PRPF40B: variants seen among roughly 807,000 people sequenced by gnomAD.
PRPF40B encodes the protein pre-mRNA-processing factor 40 homolog B.
PRPF40B carries 56 observed loss-of-function variants against 124.5 expected under a neutral mutation model. The observed-to-expected ratio is 0.45, with a 90% CI of 0.36 to 0.56. The LOEUF (loss-of-function observed/expected upper bound fraction) is 0.56, where lower values mean the gene tolerates loss of function less well. PRPF40B is among the 20% of genes least tolerant of loss of function. PRPF40B has a pLI of 0.00. For synonymous variants in PRPF40B, 443 were observed against 426.4 expected (o/e 1.04, Z -0.48); for missense variants, 1,053 against 1,169.5 (o/e 0.90, Z 1.45).
At chr12:49,637,255 C>T (rs1167128088) in intron 16 of PRPF40B, 2 of 586,970 alleles carry the variant, frequency 3.4e-6, no homozygotes. Flanking sequence ...CTTGTTCTCA[C>T]CTTTTTGTTC....
rs777004314 is a variant in PRPF40B, at chr12:49,632,029, ATCCACCCAGG to A, written c.294+108_294+117del. ...TCCATTCTTTCCCTCTTCTCATCGC[ATCCACCCAGG>A]TCCCCGGCAGCACTCCCCACACTCA... On this transcript the variant is annotated intron_variant, in intron 4 of 25. Transcript: ENST00000548825. 271 of 1,174,680 alleles carry A rather than the reference ATCCACCCAGG, an allele frequency of 2.3e-4. 1 individual carries two copies. Among genetic ancestry groups the A allele is most frequent in the Non-Finnish European group, 3.3e-4 (258 of 788,586 alleles). 72.8% of individuals were successfully genotyped at this position (1,174,680 alleles called of 1,614,324 possible).
In PRPF40B at chr12:49,634,929, C is replaced by T. The variant is rs967616883; in HGVS notation, c.1002-170C>T. On this transcript the variant is annotated intron_variant, in intron 12 of 25. Coordinates refer to ENST00000548825, the MANE Select transcript of PRPF40B (RefSeq NM_001031698.3). ...GCAGTGTCTTGGAGCTGCATCTCTT[C>T]CCCTCACTTCCTGTCACCCCTACTT... 26 of 733,308 alleles carry T rather than the reference C, an allele frequency of 3.5e-5. No homozygotes were observed. In the Admixed American group the frequency reaches 5.0e-4, roughly 14 times the overall value. The allele number at this position is 733,308 out of a possible 1,614,324, so 45.4% of individuals were successfully genotyped here.
At position 49,635,209 on chromosome 12, in the gene PRPF40B, C is replaced by T. The variant is rs376118860; in HGVS notation, c.1112C>T (p.Thr371Ile). ...ARLRAKEAKQ[T>I]LQHFLEQHER... Reference sequence around the variant, plus strand: ...CTAAGGGCCAAAGAGGCCAAGCAGACCCTGCAGCATTTCCTGGAGCAGCAT... The same window carrying T: ...CTAAGGGCCAAAGAGGCCAAGCAGATCCTGCAGCATTTCCTGGAGCAGCAT... The change falls in exon 13 of 26, where the codon ACC becomes ATC. Residue 371 changes from threonine (T) to isoleucine (I), a missense_variant. This residue lies in a region of PRPF40B where 895 missense variants were observed against 1,052.2 expected (regional missense o/e 0.85). Transcript: ENST00000548825. This position sits in a 1 kb window ranked among gnomAD's most constrained non-coding sequence, Gnocchi z 4.1. The T allele has an allele frequency of 5.0e-5, 81 of 1,614,012 alleles. No homozygotes were observed. Among genetic ancestry groups the T allele is most frequent in the Non-Finnish European group, 6.6e-5 (78 of 1,180,028 alleles).
At position 49,635,229 on chromosome 12, in the gene PRPF40B, C is replaced by A; in HGVS notation, c.1132C>A (p.Gln378Lys). Residue 378 changes from glutamine to lysine, a missense_variant, in exon 13 of 26, where the codon CAG becomes AAG. This residue lies in a region of PRPF40B where 895 missense variants were observed against 1,052.2 expected (regional missense o/e 0.85). Coordinates refer to ENST00000548825, the MANE Select transcript of PRPF40B (RefSeq NM_001031698.3). This position sits in a 1 kb window ranked among gnomAD's most constrained non-coding sequence, Gnocchi z 4.1. Reference protein sequence around the residue: ...AKQTLQHFLEQHERMTSTTRY... With the variant: ...AKQTLQHFLEKHERMTSTTRY... Reference sequence around the variant, plus strand: ...GCAGACCCTGCAGCATTTCCTGGAGCAGCATGAACGCATGACCTCCACCAC... The same window carrying A: ...GCAGACCCTGCAGCATTTCCTGGAGAAGCATGAACGCATGACCTCCACCAC... 1 of 1,613,912 alleles carries A rather than the reference C, an allele frequency of 6.2e-7. No homozygotes were observed. Among genetic ancestry groups the A allele is most frequent in the Non-Finnish European group, 8.5e-7 (1 of 1,179,904 alleles).
At chr12:49,632,719 G>C (rs2138460794) in intron 5 of PRPF40B, 96 bp downstream of exon 5, 1 of 1,594,844 alleles carries the variant, frequency 6.3e-7, no homozygotes, top group East Asian at 2.2e-5. Context: ...GATCATGCCT[G>C]TTGGGATGCC....
Position 49,635,848 on chromosome 12 carries a change from G to A in PRPF40B, c.1281G>A (p.Gln427=), listed in dbSNP as rs775115606. The A allele has an allele frequency of 6.8e-6, 11 of 1,613,698 alleles. No homozygotes were observed. Among genetic ancestry groups the A allele is most frequent in the Non-Finnish European group, 8.5e-6 (10 of 1,179,940 alleles). The change falls in exon 15 of 26, where the codon CAG becomes CAA. Residue 427 remains glutamine (Q), a synonymous_variant. Transcript: ENST00000548825. This position sits in a 1 kb window ranked among gnomAD's most constrained non-coding sequence, Gnocchi z 4.1. ...LFFLAKKEKE[Q]AKQLRRRNIQ... Reference sequence around the variant, plus strand: ...CTGATCCTGTGGCTCCCTAGGAACAGGCCAAGCAGCTCCGGCGCCGCAATA... The same window carrying A: ...CTGATCCTGTGGCTCCCTAGGAACAAGCCAAGCAGCTCCGGCGCCGCAATA...
intron 10 of PRPF40B, 75 bp from the exon 11 acceptor site, chr12:49,634,257 T>G: frequency 6.2e-7 from 1 of 1,608,048 alleles, no homozygotes; most frequent in Non-Finnish European, 8.5e-7. Context: ...GGGGGTGATA[T>G]GTTGCCAGGA....
intron 1 of PRPF40B, among the ~76,000 whole-genome samples, chr12:49,628,413 A>G (rs902071298): frequency 4.9e-4 from 74 of 151,968 alleles, no homozygotes; most frequent in African/African-American, 1.8e-3. Flanking sequence ...GGCGTGTGCC[A>G]CCACACCTGG....
chr12:49,628,448 G>T (rs1940922875), intron 1 of PRPF40B, among the ~76,000 whole-genome samples: 1 of 151,868 alleles, frequency 6.6e-6, no homozygotes, highest in Non-Finnish European at 1.5e-5. Context: ...TTTAGTAGAG[G>T]TTTCACCATG....
Position 49,632,613 on chromosome 12 carries a change from C to T in PRPF40B, c.312C>T (p.Asp104=), listed in dbSNP as rs1191521266. ...PVTAATAPGA[D]TASSAVAGTG... ...TTCGGCAGACGGCTCCGGGTGCGGA[C>T]ACCGCCAGCTGTGAGTCTTCTGGGG... is the stretch of plus-strand genomic sequence containing the variant. The change falls in exon 5 of 26, where the codon GAC becomes GAT. Residue 104 remains aspartate (D), a synonymous_variant. Coordinates refer to ENST00000548825, the MANE Select transcript of PRPF40B (RefSeq NM_001031698.3). The T allele has an allele frequency of 3.7e-6, 6 of 1,613,832 alleles. No individual in the cohort carries two copies. Among genetic ancestry groups the T allele is most frequent in the South Asian group, 1.1e-5 (1 of 91,016 alleles).
chr12:49,627,520 A>C (rs1251731312), intron 1 of PRPF40B, among the ~76,000 whole-genome samples: 2 of 152,102 alleles, frequency 1.3e-5, no homozygotes, highest in Non-Finnish European at 2.9e-5. Context: ...TCTCAGGCAA[A>C]GGTGGATGCC....
At chr12:49,636,457 C>G in intron 15 of PRPF40B, 1 of 490,178 alleles carries the variant, frequency 2.0e-6, no homozygotes, top group Non-Finnish European at 3.6e-6. Flanking sequence ...CCAAGACAAC[C>G]GGTTTCATGT....
chr12:49,633,915 T>TTCAGCC lies in PRPF40B; in HGVS notation c.636_641dup (p.Gln215_Pro216dup). Reference sequence around the variant, plus strand: ...CAGCAGCAGCAGCTGCCACAGACACTTCAGCCACAGCCACCTCAGCCACAG... The same window carrying TTCAGCC: ...CAGCAGCAGCAGCTGCCACAGACACTTCAGCCTCAGCCACAGCCACCTCAGCCACAG... On this transcript the variant is annotated inframe_insertion, in exon 10 of 26. Coordinates refer to ENST00000548825, the MANE Select transcript of PRPF40B (RefSeq NM_001031698.3). 1.2e-6 allele frequency: 2 copies of TTCAGCC among 1,614,136 alleles called. No individual in the cohort carries two copies. The highest frequency in any genetic ancestry group is 1.7e-6 in the Non-Finnish European group (2 of 1,180,008).
chr12:49,624,996 G>A (rs76953450), intron 1 of PRPF40B, among the ~76,000 whole-genome samples: 3,290 of 152,262 alleles, frequency 0.022, 115 homozygotes, highest in African/African-American at 0.075. Context: ...AGCTGAAGAA[G>A]GGCCGCAGGT....
chr12:49,634,620 G>A lies in PRPF40B; in HGVS notation c.1001+18G>A, dbSNP rs775846785. ...CGTTACAGGTAGGCCTGGGCAGAGG[G>A]AGCCAGGCCCTGTTCATGAGAGCAG... On this transcript the variant is annotated intron_variant, in intron 12 of 25. Coordinates refer to ENST00000548825, the MANE Select transcript of PRPF40B (RefSeq NM_001031698.3). 39 of 1,613,836 alleles carry A rather than the reference G, an allele frequency of 2.4e-5. No homozygotes were observed. Among genetic ancestry groups the A allele is most frequent in the Non-Finnish European group, 3.1e-5 (37 of 1,179,876 alleles).
chr12:49,634,273 G>A (rs1300972121), intron 10 of PRPF40B, 59 bp from the exon 11 acceptor site: 1 of 1,612,224 alleles, frequency 6.2e-7, no homozygotes, highest in African/African-American at 1.3e-5. Context: ...CAGGAGTTCA[G>A]GGCACTGAAA....
Position 49,634,320 on chromosome 12 carries a change from T to G in PRPF40B, c.813-12T>G, listed in dbSNP as rs977066836. ...TGGGGGACCCTGTGGCTGAGTCCCC[T>G]GTGCCCTCCAGTTCTGGACAGCATC... On this transcript the variant is annotated splice_polypyrimidine_tract_variant and intron_variant, in intron 10 of 25. Coordinates refer to ENST00000548825, the MANE Select transcript of PRPF40B (RefSeq NM_001031698.3). The G allele has an allele frequency of 1.2e-6, 2 of 1,614,038 alleles. No homozygotes were observed. The highest frequency in any genetic ancestry group is 1.3e-5 in the African/African-American group (1 of 74,918).
chr12:49,623,629 C>G, intron 1 of PRPF40B, 36 bp downstream of exon 1: 1 of 1,229,804 alleles, frequency 8.1e-7, no homozygotes, highest in Non-Finnish European at 1.0e-6. Context: ...GGGCTCGGGG[C>G]GGTCCCACAG....
intron 1 of PRPF40B, among the ~76,000 whole-genome samples, chr12:49,628,410 G>A (rs1484001016): frequency 6.6e-6 from 1 of 152,004 alleles, no homozygotes; most frequent in African/African-American, 2.4e-5. Flanking sequence ...ACAGGCGTGT[G>A]CCACCACACC....
Sources: gnomAD v4.1 joint callset for allele counts (sites outside exome capture counted in the v4.1 genomes callset) on GRCh38, gnomAD v4.1.1 for gene constraint, gnomAD v4.1.1 regional missense constraint, Gnocchi (gnomAD v3.1) non-coding constraint, MANE v1.5 for transcripts, NCBI Gene and HGNC (gene_info 2026-07-23, HGNC 2026-07-21) for gene names.